NOX1: variants seen among roughly 807,000 people sequenced by gnomAD.
NOX1 encodes the protein NADPH oxidase 1.
Under a neutral mutation model 42.5 loss-of-function variants are expected in NOX1, and 34 were observed. The observed-to-expected ratio is 0.80, with a 90% CI of 0.61 to 1.07. The LOEUF is 1.07. Ranked by LOEUF, NOX1 falls within the 50% of genes least tolerant of loss-of-function variation. NOX1 has a pLI of 0.00. For missense variants in NOX1, 408 were observed against 427.0 expected, an observed-to-expected ratio of 0.96 and a Z score of 0.39; for synonymous variants, 143 against 152.5, an observed-to-expected ratio of 0.94 and a Z score of 0.46.
intron 7 of NOX1, among the ~76,000 whole-genome samples, chrX:100,853,210 T>C (rs1327112778): frequency 2.7e-5 from 3 of 109,855 alleles, no homozygotes; most frequent in Non-Finnish European, 3.8e-5. Context: ...ACACATATTT[T>C]CCTTCTCTTT....
At chrX:100,872,732 T>G (rs2147923454) in intron 1 of NOX1, among the ~76,000 whole-genome samples, 1 of 110,244 alleles carries the variant, frequency 9.1e-6, no homozygotes, top group Non-Finnish European at 1.9e-5. Context: ...CTAGTCACTT[T>G]ATTAATCCCC....
intron 7 of NOX1, among the ~76,000 whole-genome samples, chrX:100,853,324 C>CTTTCTTTCTTTCTTTCTTTCTT (rs2085138650): frequency 4.9e-5 from 1 of 20,412 alleles, no homozygotes; most frequent in Non-Finnish European, 8.9e-5. Flanking sequence ...CTTTCTTTCT[C>CTTTCTTTCTTTCTTTCTTTCTT]TCTCTTTCTC....
At chrX:100,850,444 A>G in intron 8 of NOX1, 58 bp from the exon 9 acceptor site, 1 of 780,006 alleles carries the variant, frequency 1.3e-6, no homozygotes, top group East Asian at 3.4e-5. Flanking sequence ...AGGGACAGGC[A>G]GATAAAGCAA....
At chrX:100,868,876 T>C (rs2085255493) in intron 2 of NOX1, among the ~76,000 whole-genome samples, 1 of 111,405 alleles carries the variant, frequency 9.0e-6, no homozygotes, top group Admixed American at 9.5e-5. Flanking sequence ...GCTTTCTACA[T>C]ATGGCTAGCC....
chrX:100,862,423 A>C lies in NOX1; in HGVS notation c.640T>G (p.Tyr214Asp), dbSNP rs771020760. 1 of 1,211,573 alleles carries C rather than the reference A, an allele frequency of 8.3e-7. No homozygotes were observed. Among genetic ancestry groups the C allele is most frequent in the South Asian group, 1.8e-5 (1 of 56,959 alleles). The change falls in exon 6 of 13, where the codon TAT becomes GAT. Residue 214 changes from tyrosine (Y) to aspartate (D), a missense_variant. By Grantham distance (160) the Tyr-to-Asp change is radical. Transcript: ENST00000372966. The part of the protein sequence containing the change: ...FWYTHHLFIF[Y>D]ILGLGIHGIG... ...CCGTGAATCCCTAAGCCAAGGATAT[A>C]GAAGATAAAAAGGTGGTGAGTATAC... is the stretch of plus-strand genomic sequence containing the variant.
chrX:100,852,137 T>C (rs1031863283), intron 7 of NOX1, among the ~76,000 whole-genome samples: 24 of 112,272 alleles, frequency 2.1e-4, no homozygotes, highest in African/African-American at 7.8e-4. Context: ...ACATTTAACA[T>C]AGTAATATCT....
At chrX:100,865,281 G>A (rs771389701) in intron 2 of NOX1, among the ~76,000 whole-genome samples, 12 of 112,686 alleles carry the variant, frequency 1.1e-4, no homozygotes, top group Non-Finnish European at 1.7e-4. Flanking sequence ...TTGAATCACA[G>A]AGATTTCTTA....
chrX:100,855,958 C>T (rs1488137311), intron 7 of NOX1: 15 of 1,143,174 alleles, frequency 1.3e-5, no homozygotes, highest in Non-Finnish European at 1.8e-5. Flanking sequence ...CTTTTCTTGC[C>T]ACTGCCTCAG....
chrX:100,846,238 C>T (rs2085072583), intron 12 of NOX1, among the ~76,000 whole-genome samples: 1 of 112,343 alleles, frequency 8.9e-6, no homozygotes, highest in South Asian at 3.7e-4. Context: ...GTGTTTAACA[C>T]TTTGAGGAAC....
chrX:100,856,425 G>A (rs1308874877), intron 7 of NOX1: 10 of 466,171 alleles, frequency 2.1e-5, no homozygotes, highest in East Asian at 7.0e-5. Flanking sequence ...CTTCAGTGGC[G>A]TACACGGGCG....
chrX:100,853,342 CT>C (rs2085140697), intron 7 of NOX1, among the ~76,000 whole-genome samples: 1 of 86,044 alleles, frequency 1.2e-5, no homozygotes, highest in African/African-American at 4.5e-5. Context: ...CTCTTTCTTT[CT>C]TTCTTTCTTT....
At chrX:100,867,072 G>A (rs1170184125) in intron 2 of NOX1, among the ~76,000 whole-genome samples, 1 of 111,682 alleles carries the variant, frequency 9.0e-6, no homozygotes, top group Non-Finnish European at 1.9e-5. Flanking sequence ...TGGCTCTGTC[G>A]CCCAGGCTGG....
At chrX:100,867,983 T>A (rs1007338738) in intron 2 of NOX1, among the ~76,000 whole-genome samples, 11 of 111,862 alleles carry the variant, frequency 9.8e-5, no homozygotes, top group Admixed American at 1.9e-4. Flanking sequence ...GAAAAAAAAA[T>A]GTCCATGGGA....
intron 7 of NOX1, among the ~76,000 whole-genome samples, chrX:100,859,222 G>A (rs2085187112): frequency 8.9e-6 from 1 of 112,095 alleles, no homozygotes; most frequent in South Asian, 3.7e-4. Flanking sequence ...CTCTTTATGT[G>A]ATGAATCACA....
At chrX:100,844,313 T>C (rs1023699308) in intron 12 of NOX1, among the ~76,000 whole-genome samples, 2 of 112,298 alleles carry the variant, frequency 1.8e-5, no homozygotes, top group Non-Finnish European at 3.8e-5. Context: ...ATGACAGACA[T>C]AAGACAGTGC....
chrX:100,847,766 C>CAAAAAAA (rs11404159), intron 12 of NOX1, among the ~76,000 whole-genome samples: 1 of 60,733 alleles, frequency 1.6e-5, no homozygotes, highest in Non-Finnish European at 2.9e-5. Context: ...AACTCCATCT[C>CAAAAAAA]AAAAAAAAAA....
At chrX:100,856,784 A>C (rs1443465705) in intron 7 of NOX1, among the ~76,000 whole-genome samples, 3 of 110,864 alleles carry the variant, frequency 2.7e-5, no homozygotes, top group African/African-American at 9.9e-5. Flanking sequence ...TGTTGCTCAG[A>C]TTGGTCTCGA....
Position 100,843,659 on chromosome X carries a change from C to A in NOX1, c.*293G>T. The A allele has an allele frequency of 2.4e-6, 1 of 419,463 alleles. No individual in the cohort carries two copies. Among genetic ancestry groups the A allele is most frequent in the Non-Finnish European group, 3.9e-6 (1 of 257,291 alleles). The allele number at this position is 419,463 out of a possible 1,213,427, so 34.6% of individuals were successfully genotyped here. ...AGTTGTATAACTCTGAACCACCAAA[C>A]CTCTGCTATCAAGCCTTGCTACAGT... On this transcript the variant is annotated 3_prime_UTR_variant, in exon 13 of 13. Coordinates refer to ENST00000372966, the MANE Select transcript of NOX1 (RefSeq NM_007052.5).
chrX:100,852,472 A>T (rs1289259143), intron 7 of NOX1, among the ~76,000 whole-genome samples: 3 of 112,404 alleles, frequency 2.7e-5, no homozygotes, highest in South Asian at 3.7e-4. Flanking sequence ...CAAAATAAAT[A>T]AAATAAATAA....
Sources: gnomAD v4.1 joint callset for allele counts (sites outside exome capture counted in the v4.1 genomes callset) on GRCh38, gnomAD v4.1.1 for gene constraint, MANE v1.5 for transcripts, NCBI Gene and HGNC (gene_info 2026-07-23, HGNC 2026-07-21) for gene names.